The following ABCB5 variants were observed in gnomAD, a reference collection of about 807,000 sequenced individuals.
The protein encoded by ABCB5 is ATP binding cassette subfamily B member 5.
In ABCB5, 155 loss-of-function variants were observed where a neutral mutation model predicts 144.2. The observed-to-expected ratio is 1.08, with a 90% CI of 0.94 to 1.23. The LOEUF (loss-of-function observed/expected upper bound fraction) is 1.23. Among genes scored for constraint, ABCB5 ranks in the 50% most tolerant of loss-of-function variants. The pLI is 0.00. For missense variants in ABCB5, 1,830 were observed against 1,520.8 expected (o/e 1.20, Z -3.38); for synonymous variants, 610 against 528.6 (o/e 1.15, Z -2.11).
intron 20 of ABCB5, among the ~76,000 whole-genome samples, chr7:20,711,488 G>T (rs1201090981): frequency 6.4e-5 from 9 of 141,188 alleles, no homozygotes; most frequent in African/African-American, 2.4e-4. Context: ...TTGAGACACG[G>T]TCTCACTCTG....
intron 20 of ABCB5, among the ~76,000 whole-genome samples, chr7:20,708,352 T>C (rs1310866316): frequency 2.0e-5 from 3 of 152,114 alleles, no homozygotes; most frequent in Non-Finnish European, 2.9e-5. Context: ...TAAAAAAAGT[T>C]TTCAAGCAAG....
At chr7:20,728,282 GC>G (rs760095365) in intron 22 of ABCB5, 32 bp from the exon 23 acceptor site, 1 of 1,607,068 alleles carries the variant, frequency 6.2e-7, no homozygotes, top group Admixed American at 1.7e-5. Context: ...TATAATTCAT[GC>G]CTCATTATTT....
rs869149519 is a variant in ABCB5, at chr7:20,731,355, G to GAAAAAAAAAAAAA, written c.2867+2903_2867+2915dup. Among the ~76,000 whole-genome samples, 5 of 127,858 alleles carry GAAAAAAAAAAAAA rather than the reference G, an allele frequency of 3.9e-5. No individual in the cohort carries two copies. In the East Asian group the frequency reaches 1.1e-3, roughly 29 times the overall value. 83.9% of individuals were successfully genotyped at this position (127,858 alleles called of 152,430 possible). A position where few individuals can be genotyped will look rare whatever the true frequency, so the allele number is the denominator to read the frequency against. The stretch of plus-strand genomic sequence containing the variant: ...GCAACAGAGCAAGACTCCAACTCAG[G>GAAAAAAAAAAAAA]AAAAAAAAAAAAAAATATATATATA... On this transcript the variant is annotated intron_variant, in intron 23 of 27. Transcript: ENST00000404938.
At chr7:20,683,767 T>C (rs994790997) in intron 15 of ABCB5, among the ~76,000 whole-genome samples, 9 of 152,196 alleles carry the variant, frequency 5.9e-5, no homozygotes, top group African/African-American at 1.9e-4. Flanking sequence ...ATACATAATA[T>C]CTACACAAAC....
chr7:20,755,417 T>C lies in ABCB5; in HGVS notation c.3577-10T>C, dbSNP rs780889933. 1 of 1,613,322 alleles carries C rather than the reference T, an allele frequency of 6.2e-7. No individual in the cohort carries two copies. The highest frequency in any genetic ancestry group is 1.3e-5 in the African/African-American group (1 of 75,022). ...TCAAACTGGTGATCACAGGTCTTTC[T>C]CTCTTCCAGGTGGTTCAGCATGCCC... On this transcript the variant is annotated splice_polypyrimidine_tract_variant and intron_variant, in intron 27 of 27. Coordinates refer to ENST00000404938, the MANE Select transcript of ABCB5 (RefSeq NM_001163941.2).
At chr7:20,645,087 A>T (rs936682223) in intron 7 of ABCB5, among the ~76,000 whole-genome samples, 20 of 152,190 alleles carry the variant, frequency 1.3e-4, no homozygotes, top group African/African-American at 4.3e-4. Context: ...GAAGCAGGTG[A>T]AGGTCAGAGT....
intron 5 of ABCB5, among the ~76,000 whole-genome samples, chr7:20,633,972 T>C (rs564362441): frequency 9.2e-5 from 14 of 152,166 alleles, no homozygotes; most frequent in African/African-American, 3.4e-4. Flanking sequence ...ATGACCCAAA[T>C]AGTGAAACTT....
At chr7:20,660,266 G>C in intron 14 of ABCB5, 1 of 985,216 alleles carries the variant, frequency 1.0e-6, no homozygotes, top group Non-Finnish European at 1.2e-6. Flanking sequence ...AAAAATGAAG[G>C]CAATATATGA....
intron 14 of ABCB5, chr7:20,667,159 T>G (rs956080741): frequency 2.3e-6 from 2 of 860,588 alleles, no homozygotes; most frequent in Non-Finnish European, 2.8e-6. Flanking sequence ...CTGTGATTTA[T>G]TTGATGCACT....
intron 20 of ABCB5, 54 bp from the exon 21 acceptor site, chr7:20,722,962 C>G: frequency 6.5e-7 from 1 of 1,529,378 alleles, no homozygotes; most frequent in Non-Finnish European, 9.1e-7. Flanking sequence ...AATAGGAACT[C>G]TTGTAAATGT....
chr7:20,702,089 G>A (rs1786647516), intron 19 of ABCB5, among the ~76,000 whole-genome samples: 1 of 152,162 alleles, frequency 6.6e-6, no homozygotes. Flanking sequence ...AAAGAAACAG[G>A]TGTGTGTAGG....
chr7:20,632,566 G>A (rs981727325), intron 5 of ABCB5, among the ~76,000 whole-genome samples: 1 of 152,058 alleles, frequency 6.6e-6, no homozygotes, highest in African/African-American at 2.4e-5. Context: ...GCACACGTAT[G>A]TTTATTGCAG....
intron 22 of ABCB5, among the ~76,000 whole-genome samples, chr7:20,727,521 G>T (rs1353220232): frequency 1.3e-5 from 2 of 152,142 alleles, no homozygotes; most frequent in Non-Finnish European, 2.9e-5. Flanking sequence ...GATCACTTAA[G>T]GTCAACAGTT....
At chr7:20,651,729 T>C (rs1784602123) in intron 13 of ABCB5, 106 bp downstream of exon 13, 1 of 1,229,086 alleles carries the variant, frequency 8.1e-7, no homozygotes, top group South Asian at 1.4e-5. Context: ...AGGGGTGTGA[T>C]TAAATTCTGG....
At chr7:20,710,882 T>C (rs1213280884) in intron 20 of ABCB5, among the ~76,000 whole-genome samples, 1 of 150,168 alleles carries the variant, frequency 6.7e-6, no homozygotes, top group African/African-American at 2.5e-5. Context: ...TGGATTAAAA[T>C]TTTTTAGTAT....
intron 23 of ABCB5, among the ~76,000 whole-genome samples, chr7:20,730,501 T>G (rs963255819): frequency 1.3e-5 from 2 of 152,198 alleles, no homozygotes; most frequent in East Asian, 3.8e-4. Flanking sequence ...AGAGTGAGAC[T>G]CTGCCTCAAA....
At chr7:20,652,736 C>T (rs553022282) in intron 13 of ABCB5, among the ~76,000 whole-genome samples, 6 of 152,118 alleles carry the variant, frequency 3.9e-5, no homozygotes, top group Non-Finnish European at 7.4e-5. Flanking sequence ...AAAAATATTT[C>T]CTGAAGTATT....
chr7:20,676,197 CACAT>C (rs1562556519), intron 14 of ABCB5, among the ~76,000 whole-genome samples: 4 of 149,762 alleles, frequency 2.7e-5, no homozygotes, highest in Admixed American at 6.6e-5. Flanking sequence ...CACACACACA[CACAT>C]ATGTATAAGA....
At position 20,738,969 on chromosome 7, in the gene ABCB5, T is replaced by C. The variant is rs778771211; in HGVS notation, c.2868-14T>C. On this transcript the variant is annotated splice_polypyrimidine_tract_variant and intron_variant, in intron 23 of 27. Transcript: ENST00000404938. ...TCGATGGACCTAAGATTCAAATGCT[T>C]TATCTTTTGATAGAGTTTTTACTGC... 1.3e-6 allele frequency: 2 copies of C among 1,576,650 alleles called. No individual in the cohort carries two copies. Among genetic ancestry groups the C allele is most frequent in the South Asian group, 2.4e-5 (2 of 85,056 alleles).
Sources: gnomAD v4.1 joint callset for allele counts (sites outside exome capture counted in the v4.1 genomes callset) on GRCh38, gnomAD v4.1.1 for gene constraint, MANE v1.5 for transcripts, NCBI Gene and HGNC (gene_info 2026-07-23, HGNC 2026-07-21) for gene names.